PSTPIP1: variants seen among roughly 807,000 people sequenced by gnomAD.
PSTPIP1 encodes proline-serine-threonine phosphatase-interacting protein 1.
A neutral mutation model predicts 69.6 loss-of-function variants in PSTPIP1; 66 were observed. The ratio of observed to expected loss-of-function variants is 0.95; its 90% CI spans 0.78 to 1.16. PSTPIP1 has a LOEUF of 1.16. Ranked by LOEUF, PSTPIP1 falls within the 50% of genes most tolerant of loss-of-function variation. The pLI is 0.00. For missense variants in PSTPIP1, 603 were observed against 557.4 expected (o/e 1.08, Z -0.82); for synonymous variants, 266 against 222.7 (o/e 1.19, Z -1.73).
intron 5 of PSTPIP1, 59 bp downstream of exon 5, chr15:77,025,663 G>A (rs537768857): frequency 3.5e-6 from 5 of 1,440,356 alleles, no homozygotes; most frequent in African/African-American, 2.8e-5. Flanking sequence ...CTCAGTTGCT[G>A]TGGGGGTAGG....
At chr15:77,005,490 GA>G (rs2075797418) in intron 1 of PSTPIP1, among the ~76,000 whole-genome samples, 1 of 152,220 alleles carries the variant, frequency 6.6e-6, no homozygotes, top group Non-Finnish European at 1.5e-5. Context: ...GCAGAGGTTA[GA>G]AGTTTTGGGG....
chr15:77,015,941 C>T (rs767515719), intron 1 of PSTPIP1: 33 of 456,066 alleles, frequency 7.2e-5, no homozygotes, highest in Non-Finnish European at 1.1e-4. Flanking sequence ...TTGAGCACGG[C>T]GGTCACAGCC....
intron 1 of PSTPIP1, among the ~76,000 whole-genome samples, chr15:77,012,913 C>CA (rs1475040883): frequency 6.6e-6 from 1 of 152,234 alleles, no homozygotes; most frequent in Non-Finnish European, 1.5e-5. Flanking sequence ...TCCAGCCCAT[C>CA]ACTCAGCATG....
chr15:77,012,045 C>G (rs2075945286), intron 1 of PSTPIP1, among the ~76,000 whole-genome samples: 1 of 152,056 alleles, frequency 6.6e-6, no homozygotes, highest in Non-Finnish European at 1.5e-5. Flanking sequence ...GGAACTCTCC[C>G]TTCCCTCCCT....
rs74569844 is a variant in PSTPIP1 at position 76,995,740 on chromosome 15, A to G, written c.36+131A>G. ...AAAATAGTGGTTGATTCTTGGTCTTAATTGTCATGGAGGTGGCCCAGGCCC... is the reference window on the plus strand; with the variant it reads ...AAAATAGTGGTTGATTCTTGGTCTTGATTGTCATGGAGGTGGCCCAGGCCC... On this transcript the variant is annotated intron_variant, in intron 1 of 14. Transcript: ENST00000558012. 2,148 of 1,526,150 alleles carry G rather than the reference A, an allele frequency of 1.4e-3. 26 individuals carry two copies. In the African/African-American group the frequency reaches 0.027, roughly 19 times the overall value. The allele number at this position is 1,526,150 out of a possible 1,614,324, so 94.5% of individuals were successfully genotyped here.
At chr15:77,021,640 C>T (rs775601632) in intron 3 of PSTPIP1, among the ~76,000 whole-genome samples, 1 of 152,206 alleles carries the variant, frequency 6.6e-6, no homozygotes, top group Non-Finnish European at 1.5e-5. Context: ...GATTGCACCA[C>T]TGCACTCCAG....
Position 77,026,660 on chromosome 15 carries a change from C to T in PSTPIP1, c.354+1056C>T, listed in dbSNP as rs180769125. 1.7e-3 allele frequency among the ~76,000 whole-genome samples: 255 copies of T among 152,356 alleles called. 4 individuals carry two copies. The highest frequency in any genetic ancestry group is 5.4e-3 in the African/African-American group (224 of 41,594). On this transcript the variant is annotated intron_variant, in intron 5 of 14. Transcript: ENST00000558012. ...AGCAGCTCTGCTGGCAGAAATGTAG[C>T]GTGGCTGCCCGTGCCACCTGCCCAT... is the stretch of plus-strand genomic sequence containing the variant.
At chr15:77,034,324 G>T (rs1042851327) in intron 12 of PSTPIP1, among the ~76,000 whole-genome samples, 1 of 152,114 alleles carries the variant, frequency 6.6e-6, no homozygotes, top group Non-Finnish European at 1.5e-5. Flanking sequence ...TGGGGAGCTG[G>T]CACGTGTGTC....
At chr15:76,998,053 C>A (rs943427308) in intron 1 of PSTPIP1, among the ~76,000 whole-genome samples, 2 of 152,212 alleles carry the variant, frequency 1.3e-5, no homozygotes, top group Admixed American at 6.5e-5. Flanking sequence ...GCCTGGCCAA[C>A]ATGGTGAAAC....
chr15:77,033,472 T>C (rs1430034359), intron 12 of PSTPIP1, among the ~76,000 whole-genome samples: 1 of 152,148 alleles, frequency 6.6e-6, no homozygotes, highest in African/African-American at 2.4e-5. Context: ...ATCTAAGGAC[T>C]CTCCTGGTTC....
At chr15:77,002,072 G>A (rs2075720919) in intron 1 of PSTPIP1, among the ~76,000 whole-genome samples, 2 of 152,242 alleles carry the variant, frequency 1.3e-5, no homozygotes, top group South Asian at 4.1e-4. Context: ...ATCCCCTGAG[G>A]AGCAGCAATG....
intron 1 of PSTPIP1, among the ~76,000 whole-genome samples, chr15:77,000,460 G>GATATATAT (rs1045472754): frequency 3.7e-4 from 52 of 141,768 alleles, no homozygotes; most frequent in African/African-American, 1.2e-3. Context: ...TTTAAAGAGA[G>GATATATAT]ATATATATAT....
chr15:77,018,617 T>A, intron 3 of PSTPIP1, 86 bp downstream of exon 3: 1 of 1,347,820 alleles, frequency 7.4e-7, no homozygotes, highest in Non-Finnish European at 9.9e-7. Flanking sequence ...CTTCCTGGCA[T>A]GGGGGAGGCT....
At chr15:77,003,295 GC>G (rs904070357) in intron 1 of PSTPIP1, among the ~76,000 whole-genome samples, 106 of 152,214 alleles carry the variant, frequency 7.0e-4, no homozygotes, top group African/African-American at 2.4e-3. Flanking sequence ...AGAGCATGAT[GC>G]CCTGGGCCCT....
At chr15:77,005,594 ACTGCTTCATCATC>A (rs1245341560) in intron 1 of PSTPIP1, among the ~76,000 whole-genome samples, 12 of 152,168 alleles carry the variant, frequency 7.9e-5, no homozygotes, top group Admixed American at 7.9e-4. Flanking sequence ...TATTTCCTGA[ACTGCTTCATCATC>A]CTGAACAGAA....
chr15:77,031,057 T>C (rs2152688009), intron 9 of PSTPIP1, 123 bp from the exon 10 acceptor site: 2 of 940,750 alleles, frequency 2.1e-6, no homozygotes, highest in Non-Finnish European at 3.3e-6. Context: ...CTCTCTCCTT[T>C]GGACTGGGCT....
At chr15:77,031,145 C>A in intron 9 of PSTPIP1, 35 bp from the exon 10 acceptor site, 1 of 1,595,282 alleles carries the variant, frequency 6.3e-7, no homozygotes, top group South Asian at 1.1e-5. Context: ...CTGCAGCCGC[C>A]TCCTCACTGC....
At chr15:77,024,881 C>G (rs929003535) in intron 3 of PSTPIP1, among the ~76,000 whole-genome samples, 1 of 152,120 alleles carries the variant, frequency 6.6e-6, no homozygotes, top group African/African-American at 2.4e-5. Flanking sequence ...GTCCCCTCCC[C>G]TGTAGCCTCA....
rs548887263 is a variant in PSTPIP1, at chr15:77,030,433, G to C, written c.563-69G>C. 6.0e-6 allele frequency: 9 copies of C among 1,503,540 alleles called. No individual in the cohort carries two copies. In the South Asian group the frequency reaches 9.4e-5, roughly 16 times the overall value. The allele number at this position is 1,503,540 out of a possible 1,614,324, so 93.1% of individuals were successfully genotyped here. ...CCAGTGGGAGGAGGCATCCAGGATG[G>C]GACCTGCTGGAGTACAGGGGTGGAG... On this transcript the variant is annotated intron_variant, in intron 8 of 14. Coordinates refer to ENST00000558012, the MANE Select transcript of PSTPIP1 (RefSeq NM_003978.5).
Sources: gnomAD v4.1 joint callset for allele counts (sites outside exome capture counted in the v4.1 genomes callset) on GRCh38, gnomAD v4.1.1 for gene constraint, MANE v1.5 for transcripts, NCBI Gene and HGNC (gene_info 2026-07-23, HGNC 2026-07-21) for gene names.